Variants in EDAR observed in about 807,000 individuals in gnomAD.
EDAR encodes tumor necrosis factor receptor superfamily member EDAR.
In EDAR, 38 loss-of-function variants were observed where a neutral mutation model predicts 51.3. The ratio of observed to expected loss-of-function variants is 0.74; its 90% CI spans 0.57 to 0.97. EDAR has a LOEUF of 0.97. Ranked by LOEUF, EDAR falls within the 50% of genes least tolerant of loss-of-function variation. EDAR has a pLI of 0.00. For synonymous variants in EDAR, 227 were observed against 242.1 expected (o/e 0.94, Z 0.58); for missense variants, 528 against 595.0 (o/e 0.89, Z 1.17).
At chr2:108,932,088 A>G (rs1326941449) in intron 1 of EDAR, among the ~76,000 whole-genome samples, 1 of 152,176 alleles carries the variant, frequency 6.6e-6, no homozygotes, top group Non-Finnish European at 1.5e-5. Flanking sequence ...AATTCCCAAT[A>G]CCACACACAA....
intron 1 of EDAR, among the ~76,000 whole-genome samples, chr2:108,948,952 C>T (rs894905373): frequency 2.0e-5 from 3 of 152,150 alleles, no homozygotes; most frequent in African/African-American, 7.2e-5. Flanking sequence ...ACCCCCATCA[C>T]TAAAAAACTT....
intron 1 of EDAR, among the ~76,000 whole-genome samples, chr2:108,985,729 G>C (rs1241166283): frequency 6.6e-6 from 1 of 152,218 alleles, no homozygotes; most frequent in East Asian, 1.9e-4. Flanking sequence ...TGCCCCCAGA[G>C]AGGGTAGCTT....
rs1409123243 is a variant in EDAR at position 108,894,505 on chromosome 2, A to G, written c.*2402T>C. Reference sequence around the variant, plus strand: ...TGTGTTTATTGAGATTATAAAATATAATAAGTTATATATATACAGAATTAG... The same window carrying G: ...TGTGTTTATTGAGATTATAAAATATGATAAGTTATATATATACAGAATTAG... On this transcript the variant is annotated 3_prime_UTR_variant, in exon 12 of 12. Coordinates refer to ENST00000258443, the MANE Select transcript of EDAR (RefSeq NM_022336.4). 6.6e-6 allele frequency: 1 copy of G among 152,618 alleles called. No individual in the cohort carries two copies. Among genetic ancestry groups the G allele is most frequent in the East Asian group, 1.9e-4 (1 of 5,198 alleles). The allele number at this position is 152,618 out of a possible 1,614,324, so 9.5% of individuals were successfully genotyped here. A position where few individuals can be genotyped will look rare whatever the true frequency, so the allele number is the denominator to read the frequency against.
At chr2:108,969,832 G>A (rs1189759308) in intron 1 of EDAR, among the ~76,000 whole-genome samples, 1 of 152,200 alleles carries the variant, frequency 6.6e-6, no homozygotes, top group Non-Finnish European at 1.5e-5. Flanking sequence ...AAGGCAGTGT[G>A]CAATGAAGAG....
chr2:108,897,329 A>AT (rs1696619520), intron 11 of EDAR, 100 bp from the exon 12 acceptor site: 16 of 1,227,956 alleles, frequency 1.3e-5, no homozygotes, highest in Admixed American at 2.2e-5. Context: ...ATTTGAAAAA[A>AT]ATTTTTTTAA....
rs935093533 is a variant in EDAR, at chr2:108,897,186, A to G, written c.1068T>C (p.Thr356=). Residue 356 remains threonine (T), a synonymous_variant, in exon 12 of 12, where the codon ACT becomes ACC. Coordinates refer to ENST00000258443, the MANE Select transcript of EDAR (RefSeq NM_022336.4). ...TGTACGTGGAGCTGAGCATTCGGCT[A>G]GTCTTCTCGAGGCAATCAAATGGCA... ...TELPFDCLEK[T]SRMLSSTYNS... 6.2e-7 allele frequency: 1 copy of G among 1,613,830 alleles called. No individual in the cohort carries two copies.
intron 11 of EDAR, 47 bp from the exon 12 acceptor site, chr2:108,897,276 T>C: frequency 6.5e-7 from 1 of 1,543,620 alleles, no homozygotes; most frequent in Non-Finnish European, 9.0e-7. Flanking sequence ...TCACAGTCAA[T>C]AGAAGGTCAA....
At chr2:108,969,698 T>C (rs573491349) in intron 1 of EDAR, among the ~76,000 whole-genome samples, 1 of 152,344 alleles carries the variant, frequency 6.6e-6, no homozygotes, top group African/African-American at 2.4e-5. Context: ...CAGCACCATC[T>C]CAGTGCTGAA....
At chr2:108,920,392 GC>G (rs1275746527) in intron 5 of EDAR, among the ~76,000 whole-genome samples, 7 of 152,188 alleles carry the variant, frequency 4.6e-5, no homozygotes, top group Non-Finnish European at 1.0e-4. Context: ...TGACCTCCCT[GC>G]CCCCACTGTC....
chr2:108,949,166 G>T (rs1231363345), intron 1 of EDAR, among the ~76,000 whole-genome samples: 1 of 152,032 alleles, frequency 6.6e-6, no homozygotes, highest in African/African-American at 2.4e-5. Flanking sequence ...GTTTTTTGTA[G>T]AGATGGGATT....
chr2:108,927,184 G>T (rs559838984), intron 4 of EDAR, among the ~76,000 whole-genome samples: 1 of 152,334 alleles, frequency 6.6e-6, no homozygotes, highest in East Asian at 1.9e-4. Flanking sequence ...GGCACGTGCT[G>T]AGGGTGTCTC....
chr2:108,958,105 C>T (rs1161167463), intron 1 of EDAR, among the ~76,000 whole-genome samples: 3 of 152,226 alleles, frequency 2.0e-5, no homozygotes, highest in South Asian at 4.1e-4. Context: ...ACTAAACGAA[C>T]GCACACACCC....
rs1696946625 is a variant in EDAR at position 108,912,538 on chromosome 2, C to A, written c.529+140G>T. On this transcript the variant is annotated intron_variant, in intron 6 of 11. Coordinates refer to ENST00000258443, the MANE Select transcript of EDAR (RefSeq NM_022336.4). The stretch of plus-strand genomic sequence containing the variant: ...ACTTCCTGCACGGGGGGCAACATGT[C>A]ATTCAATTACATTAGGGAGGTGAGG... 1.0e-5 allele frequency: 8 copies of A among 788,544 alleles called. No individual in the cohort carries two copies. In the East Asian group the frequency reaches 2.1e-4, roughly 21 times the overall value. The allele number at this position is 788,544 out of a possible 1,614,324, so 48.8% of individuals were successfully genotyped here.
chr2:108,944,013 T>C (rs1479160688), intron 1 of EDAR, among the ~76,000 whole-genome samples: 1 of 152,174 alleles, frequency 6.6e-6, no homozygotes, highest in Non-Finnish European at 1.5e-5. Flanking sequence ...GTAAAAGGCT[T>C]GATGTAGATT....
At chr2:108,941,395 GAGAGTCCTGGTAGCTCAC>G (rs2105473115) in intron 1 of EDAR, among the ~76,000 whole-genome samples, 1 of 152,320 alleles carries the variant, frequency 6.6e-6, no homozygotes, top group Non-Finnish European at 1.5e-5. Context: ...CTGGCCAGAG[GAGAGTCCTGGTAGCTCAC>G]AGCCTTCCTC....
intron 1 of EDAR, among the ~76,000 whole-genome samples, chr2:108,975,123 T>C (rs568575168): frequency 1.8e-3 from 268 of 152,240 alleles, no homozygotes; most frequent in Middle Eastern, 6.8e-3. Context: ...AGGGACCCTG[T>C]CTGAGGGTGC....
At chr2:108,922,368 G>A (rs557004883) in intron 5 of EDAR, among the ~76,000 whole-genome samples, 2 of 152,362 alleles carry the variant, frequency 1.3e-5, no homozygotes, top group South Asian at 4.1e-4. Context: ...TCTAATTTGT[G>A]AATTAATTAG....
intron 1 of EDAR, among the ~76,000 whole-genome samples, chr2:108,983,998 C>T (rs562152602): frequency 1.3e-5 from 2 of 152,172 alleles, no homozygotes; most frequent in South Asian, 2.1e-4. Context: ...GGGGCGACGG[C>T]GATGTCTGTT....
At chr2:108,930,402 C>T (rs1178541373) in intron 2 of EDAR, among the ~76,000 whole-genome samples, 160 bp from the exon 3 acceptor site, 1 of 152,072 alleles carries the variant, frequency 6.6e-6, no homozygotes, top group Non-Finnish European at 1.5e-5. Context: ...CTCACTGCTG[C>T]TAAGTCTCCA....
Sources: gnomAD v4.1 joint callset for allele counts (sites outside exome capture counted in the v4.1 genomes callset) on GRCh38, gnomAD v4.1.1 for gene constraint, MANE v1.5 for transcripts, NCBI Gene and HGNC (gene_info 2026-07-23, HGNC 2026-07-21) for gene names.